Variants in CECR2 observed in about 807,000 individuals in gnomAD.
CECR2 encodes the protein CECR2 histone acetyl-lysine reader.
A neutral mutation model predicts 154.5 loss-of-function variants in CECR2; 30 were observed. That is an observed-to-expected ratio of 0.19 (90% CI 0.15 to 0.26). The LOEUF (loss-of-function observed/expected upper bound fraction) is 0.26. Among genes scored for constraint, CECR2 ranks in the 10% least tolerant of loss-of-function variants. The pLI is 1.00. For synonymous variants in CECR2, 725 were observed against 683.7 expected, an observed-to-expected ratio of 1.06 and a Z score of -0.94; for missense variants, 1,743 against 1,829.3, an observed-to-expected ratio of 0.95 and a Z score of 0.86.
intron 1 of CECR2, among the ~76,000 whole-genome samples, chr22:17,397,328 C>T (rs775266688): frequency 4.6e-5 from 7 of 151,704 alleles, no homozygotes; most frequent in East Asian, 1.9e-4. Context: ...TTAGTAGAGG[C>T]GTGGTTTCAG....
At chr22:17,427,571 A>AC (rs1374116905) in intron 1 of CECR2, among the ~76,000 whole-genome samples, 1 of 151,924 alleles carries the variant, frequency 6.6e-6, no homozygotes, top group Non-Finnish European at 1.5e-5. Context: ...GAAGCCGCAG[A>AC]CCCTTGCAGT....
At chr22:17,462,268 G>A (rs2054952224) in intron 1 of CECR2, among the ~76,000 whole-genome samples, 1 of 151,970 alleles carries the variant, frequency 6.6e-6, no homozygotes, top group South Asian at 2.1e-4. Flanking sequence ...GCTGGGCATG[G>A]TGGCGGGCGC....
chr22:17,449,170 C>T (rs955336755), intron 1 of CECR2, among the ~76,000 whole-genome samples: 1 of 152,112 alleles, frequency 6.6e-6, no homozygotes, highest in African/African-American at 2.4e-5. Flanking sequence ...TGAACCACCA[C>T]GTCCCACCTC....
chr22:17,538,063 CA>C (rs1410236483), intron 10 of CECR2, among the ~76,000 whole-genome samples: 2 of 150,282 alleles, frequency 1.3e-5, no homozygotes, highest in African/African-American at 4.9e-5. Context: ...ACCCAAAATA[CA>C]AAAACTCGCC....
At chr22:17,366,748 C>T (rs2063004000), upstream of CECR2, among the ~76,000 whole-genome samples, 1 of 152,078 alleles carries the variant, frequency 6.6e-6, no homozygotes, top group Non-Finnish European at 1.5e-5. Flanking sequence ...GGGTATCAAT[C>T]CTAACAGGGC....
At chr22:17,361,138 C>T (rs770717086) in intron 1 of CECR2, among the ~76,000 whole-genome samples, 19 of 151,862 alleles carry the variant, frequency 1.3e-4, no homozygotes, top group South Asian at 2.1e-4. Flanking sequence ...TCTCCAGCCT[C>T]GGTGCCAGAG....
chr22:17,444,590 G>C (rs1227166088), intron 1 of CECR2, among the ~76,000 whole-genome samples: 2 of 151,858 alleles, frequency 1.3e-5, no homozygotes, highest in African/African-American at 4.8e-5. Flanking sequence ...CTGCACTCTA[G>C]CCTGGGCGAC....
At chr22:17,477,800 T>C (rs1282514289) in intron 2 of CECR2, 118 bp downstream of exon 2, 6 of 721,158 alleles carry the variant, frequency 8.3e-6, no homozygotes, top group East Asian at 2.6e-5. Context: ...CACGGGACAC[T>C]GTAGATGGAG....
intron 1 of CECR2, among the ~76,000 whole-genome samples, chr22:17,408,241 G>A (rs2054015310): frequency 8.2e-6 from 1 of 121,960 alleles, no homozygotes; most frequent in Non-Finnish European, 1.6e-5. Flanking sequence ...TCACTCGTCT[G>A]CTTTCTGTCT....
chr22:17,527,992 CT>C (rs1367012337), intron 9 of CECR2, among the ~76,000 whole-genome samples: 2 of 152,138 alleles, frequency 1.3e-5, no homozygotes, highest in African/African-American at 4.8e-5. Flanking sequence ...TGGAGAACAG[CT>C]TAGATGTTCC....
chr22:17,374,046 T>G (rs186589976), intron 1 of CECR2, among the ~76,000 whole-genome samples: 1 of 152,342 alleles, frequency 6.6e-6, no homozygotes, highest in Admixed American at 6.5e-5. Context: ...GAGGACAGAA[T>G]GATTTTCAGT....
chr22:17,489,005 G>A (rs563573818), intron 2 of CECR2, among the ~76,000 whole-genome samples: 1 of 152,290 alleles, frequency 6.6e-6, no homozygotes, highest in South Asian at 2.1e-4. Context: ...AGGCTGGAGT[G>A]CAATGGTGCT....
At position 17,555,882 on chromosome 22, in the gene CECR2, A is replaced by G. The variant is rs1257718994; in HGVS notation, c.*3042A>G. ...ATTGCATCTCTTTGATTTAACACTC[A>G]TGGCTCACCTTTAGTAGAGTTGTTA... On this transcript the variant is annotated 3_prime_UTR_variant, in exon 19 of 19. Transcript: ENST00000262608. 4 of 152,160 alleles carry G rather than the reference A, an allele frequency of 2.6e-5. 1 individual carries two copies. Among genetic ancestry groups the G allele is most frequent in the Non-Finnish European group, 5.9e-5 (4 of 68,030 alleles). The allele number at this position is 152,160 out of a possible 1,614,324, so 9.4% of individuals were successfully genotyped here. A position where few individuals can be genotyped will look rare whatever the true frequency, so the allele number is the denominator to read the frequency against.
intron 1 of CECR2, among the ~76,000 whole-genome samples, chr22:17,412,522 T>C (rs556958926): frequency 2.0e-5 from 3 of 152,286 alleles, no homozygotes; most frequent in African/African-American, 7.2e-5. Flanking sequence ...ATTTGCTGAT[T>C]TTCACATTCT....
At position 17,548,136 on chromosome 22, in the gene CECR2, T is replaced by C. The variant is rs2146137087; in HGVS notation, c.2861-12T>C. 1 of 1,493,462 alleles carries C rather than the reference T, an allele frequency of 6.7e-7. No individual in the cohort carries two copies. The highest frequency in any genetic ancestry group is 8.9e-7 in the Non-Finnish European group (1 of 1,122,130). 92.5% of individuals were successfully genotyped at this position (1,493,462 alleles called of 1,614,324 possible). A position where few individuals can be genotyped will look rare whatever the true frequency, so the allele number is the denominator to read the frequency against. On this transcript the variant is annotated splice_polypyrimidine_tract_variant and intron_variant, in intron 16 of 18. Transcript: ENST00000262608. Reference sequence around the variant, plus strand: ...GAGTTATTTTTTCTCCTCTTTTTTTTTTTTTTTGCAGCAGAGCCGTTGCCT... The same window carrying C: ...GAGTTATTTTTTCTCCTCTTTTTTTCTTTTTTTGCAGCAGAGCCGTTGCCT...
Position 17,537,085 on chromosome 22 carries a change from C to G in CECR2, c.1109-18C>G, listed in dbSNP as rs972654851. On this transcript the variant is annotated intron_variant, in intron 9 of 18. Transcript: ENST00000262608. ...TCTGGAGTGTGCTTAGCTCACTCAG[C>G]CTTTGTGTTCATTGTAGATCGAGCG... The G allele has an allele frequency of 6.2e-7, 1 of 1,613,098 alleles. No individual in the cohort carries two copies.
At position 17,503,480 on chromosome 22, in the gene CECR2, G is replaced by A. The variant is rs145824118; in HGVS notation, c.700+349G>A. 1.5e-3 allele frequency among the ~76,000 whole-genome samples: 223 copies of A among 152,262 alleles called. 1 individual carries two copies. Among genetic ancestry groups the A allele is most frequent in the African/African-American group, 5.2e-3 (215 of 41,536 alleles). On this transcript the variant is annotated intron_variant, in intron 6 of 18. Transcript: ENST00000262608. ...TTTCCTTATAGGTTTACTACATACT[G>A]GTTTCCTACCTAGATTTTAATTTTG...
intron 2 of CECR2, among the ~76,000 whole-genome samples, 172 bp downstream of exon 2, chr22:17,477,854 G>T (rs1377442482): frequency 6.6e-6 from 1 of 152,184 alleles, no homozygotes; most frequent in Non-Finnish European, 1.5e-5. Context: ...TTATTCTGCA[G>T]TTGGGTTTTT....
At chr22:17,496,656 A>T (rs1043673146) in intron 2 of CECR2, among the ~76,000 whole-genome samples, 10 of 152,200 alleles carry the variant, frequency 6.6e-5, no homozygotes, top group Admixed American at 3.9e-4. Flanking sequence ...TCTTAACCTG[A>T]AATATAAATT....
Sources: allele counts gnomAD v4.1 joint callset (sites outside exome capture counted in the v4.1 genomes callset), GRCh38; gene constraint gnomAD v4.1.1; transcripts MANE v1.5; gene names NCBI Gene and HGNC (gene_info 2026-07-23, HGNC 2026-07-21).